Variants in WBP2NL observed in about 807,000 individuals in gnomAD.
WBP2NL encodes postacrosomal sheath WW domain-binding protein.
Under a neutral mutation model 23.3 loss-of-function variants are expected in WBP2NL, and 27 were observed. The ratio of observed to expected loss-of-function variants is 1.16; its 90% CI spans 0.85 to 1.60. The LOEUF is 1.60. Ranked by LOEUF, WBP2NL falls within the 40% of genes most tolerant of loss-of-function variation. The pLI is 0.00. For synonymous variants in WBP2NL, 151 were observed against 145.9 expected (o/e 1.03, Z -0.25); for missense variants, 370 against 389.5 (o/e 0.95, Z 0.42).
chr22:42,045,581 A>G (rs901817437), intron 8 of WBP2NL, among the ~76,000 whole-genome samples: 3 of 152,366 alleles, frequency 2.0e-5, no homozygotes, highest in South Asian at 4.1e-4. Context: ...ATTATAAGGA[A>G]TATTGTGAAC....
intron 8 of WBP2NL, among the ~76,000 whole-genome samples, chr22:42,049,071 G>A (rs2146822732): frequency 6.6e-6 from 1 of 152,260 alleles, no homozygotes; most frequent in African/African-American, 2.4e-5. Flanking sequence ...ACACAATACT[G>A]AAAAGAACAA....
At chr22:42,000,912 T>C (rs1921586850) in intron 1 of WBP2NL, among the ~76,000 whole-genome samples, 1 of 151,946 alleles carries the variant, frequency 6.6e-6, no homozygotes, top group Admixed American at 6.6e-5. Flanking sequence ...GGAGAATTGC[T>C]CCACCAAAAG....
intron 8 of WBP2NL, among the ~76,000 whole-genome samples, chr22:42,054,639 A>C (rs1205292431): frequency 6.7e-6 from 1 of 149,988 alleles, no homozygotes; most frequent in Non-Finnish European, 1.5e-5. Flanking sequence ...ATTTTTTTTT[A>C]CATGTGGATA....
At chr22:42,016,323 C>T (rs1246776347) in intron 1 of WBP2NL, among the ~76,000 whole-genome samples, 2 of 151,962 alleles carry the variant, frequency 1.3e-5, no homozygotes, top group Admixed American at 6.6e-5. Context: ...CTCATCAGTC[C>T]CGGGAAAATT....
intron 8 of WBP2NL, among the ~76,000 whole-genome samples, chr22:42,041,351 A>G (rs1221552590): frequency 2.0e-5 from 3 of 152,030 alleles, no homozygotes; most frequent in African/African-American, 4.8e-5. Context: ...GCGTGGTGGC[A>G]CACACCTGTA....
At chr22:42,049,215 T>C (rs1259602001) in intron 8 of WBP2NL, among the ~76,000 whole-genome samples, 4 of 152,150 alleles carry the variant, frequency 2.6e-5, no homozygotes, top group Non-Finnish European at 4.4e-5. Flanking sequence ...ATAGCCAACA[T>C]GTTTTACAAA....
chr22:42,034,872 G>A (rs1314221539), downstream of WBP2NL, among the ~76,000 whole-genome samples: 1 of 152,120 alleles, frequency 6.6e-6, no homozygotes, highest in Non-Finnish European at 1.5e-5. Flanking sequence ...AGAGTTTAAG[G>A]TTATCTCTCT....
chr22:42,032,614 T>C (rs1925020150), downstream of WBP2NL: 1 of 277,772 alleles, frequency 3.6e-6, no homozygotes, highest in Non-Finnish European at 7.6e-6. Flanking sequence ...AATGTAAAAA[T>C]TTATTCTGTT....
rs373676399 is a variant in WBP2NL at position 42,001,714 on chromosome 22, C to T, written c.62+2834C>T. On this transcript the variant is annotated intron_variant, in intron 1 of 5. Transcript: ENST00000328823. ...TATCTTTGAAGGTGAAGTTAAGAGC[C>T]TGGGTGGGGGAAGTATCTGATGACA... 18 of 1,221,602 alleles carry T rather than the reference C, an allele frequency of 1.5e-5. No homozygotes were observed. The East Asian group carries it at 1.9e-4, about 13-fold the overall frequency. 75.7% of individuals were successfully genotyped at this position (1,221,602 alleles called of 1,614,324 possible).
At chr22:42,005,368 G>A (rs932125354) in intron 1 of WBP2NL, among the ~76,000 whole-genome samples, 3 of 152,090 alleles carry the variant, frequency 2.0e-5, no homozygotes, top group African/African-American at 7.2e-5. Context: ...ACAAAAATTA[G>A]TTGGGGGTGG....
downstream of WBP2NL, among the ~76,000 whole-genome samples, chr22:42,029,317 A>C (rs1924773370): frequency 6.9e-6 from 1 of 145,710 alleles, no homozygotes; most frequent in Non-Finnish European, 1.5e-5. Flanking sequence ...AAAAAAAAAA[A>C]GCCAGGTGTT....
chr22:42,049,726 A>C (rs1312273827), intron 8 of WBP2NL, among the ~76,000 whole-genome samples: 2 of 146,124 alleles, frequency 1.4e-5, no homozygotes, highest in Non-Finnish European at 3.0e-5. Flanking sequence ...AAAAAAAAAA[A>C]AAAAATAGAA....
rs58156627 is a variant in WBP2NL at position 42,018,603 on chromosome 22, C to T, written c.63-708C>T. ...CCAGGTTAACAGTAAGGAGAGAGCA[C>T]GACAGGCTGAGGGAACATGTCAGAG... is the stretch of plus-strand genomic sequence containing the variant. On this transcript the variant is annotated intron_variant, in intron 1 of 5. Transcript: ENST00000328823. 9.6e-3 allele frequency among the ~76,000 whole-genome samples: 1,456 copies of T among 152,174 alleles called. 17 individuals carry two copies. The highest frequency in any genetic ancestry group is 0.034 in the African/African-American group (1,407 of 41,530).
At chr22:42,009,882 C>G (rs1407639308) in intron 1 of WBP2NL, among the ~76,000 whole-genome samples, 2 of 152,090 alleles carry the variant, frequency 1.3e-5, no homozygotes, top group African/African-American at 4.8e-5. Context: ...TGTTGAATCT[C>G]TGAATCACTT....
downstream of WBP2NL, among the ~76,000 whole-genome samples, chr22:42,035,419 T>G (rs545882561): frequency 1.3e-3 from 203 of 152,352 alleles, 1 homozygote; most frequent in Admixed American, 3.2e-3. Context: ...CAGCCACGGC[T>G]TGGGCGGCTG....
chr22:42,027,477 C>T lies in WBP2NL; in HGVS notation c.*296C>T. The T allele has an allele frequency of 5.4e-6, 2 of 367,518 alleles. No homozygotes were observed. The highest frequency in any genetic ancestry group is 9.7e-6 in the Non-Finnish European group (2 of 205,666). The allele number at this position is 367,518 out of a possible 1,614,324, so 22.8% of individuals were successfully genotyped here. A position where few individuals can be genotyped will look rare whatever the true frequency, so the allele number is the denominator to read the frequency against. On this transcript the variant is annotated 3_prime_UTR_variant, in exon 6 of 6. Transcript: ENST00000328823. ...TTAAACATAACTTTTTCCACACTCG[C>T]ATTCAAGGTTCCTGTCTTCCCATCC...
chr22:42,057,948 G>A (rs1384882418), intron 8 of WBP2NL, among the ~76,000 whole-genome samples: 1 of 94,342 alleles, frequency 1.1e-5, no homozygotes, highest in Non-Finnish European at 1.9e-5. Flanking sequence ...ATGGAGTCTG[G>A]CTCTGTCACC....
At chr22:42,006,755 C>T (rs963276745) in intron 1 of WBP2NL, among the ~76,000 whole-genome samples, 33 of 152,122 alleles carry the variant, frequency 2.2e-4, no homozygotes, top group East Asian at 1.2e-3. Context: ...ATGAACTGTT[C>T]GGAGTTCCCA....
chr22:42,005,023 C>A (rs577164138), intron 1 of WBP2NL, among the ~76,000 whole-genome samples: 1 of 150,714 alleles, frequency 6.6e-6, no homozygotes, highest in Admixed American at 6.6e-5. Flanking sequence ...TCGAGACCAG[C>A]CTGACCAACA....
Sources: allele counts gnomAD v4.1 joint callset (sites outside exome capture counted in the v4.1 genomes callset), GRCh38; gene constraint gnomAD v4.1.1; transcripts MANE v1.5; gene names NCBI Gene and HGNC (gene_info 2026-07-23, HGNC 2026-07-21).